Variants in ANKS1B observed in about 807,000 individuals in gnomAD.
ANKS1B encodes ankyrin repeat and sterile alpha motif domain containing 1B.
Under a neutral mutation model 148.3 loss-of-function variants are expected in ANKS1B, and 36 were observed. The observed-to-expected ratio is 0.24, with a 90% CI of 0.19 to 0.32. The LOEUF is 0.32. ANKS1B is among the 10% of genes least tolerant of loss of function. The probability of loss-of-function intolerance (pLI) is 1.00; values close to 1 mark genes in which losing one functional copy is unlikely to be tolerated. For missense variants in ANKS1B, 1,157 were observed against 1,542.6 expected, an observed-to-expected ratio of 0.75 and a Z score of 4.19; for synonymous variants, 542 against 560.8, an observed-to-expected ratio of 0.97 and a Z score of 0.47.
intron 17 of ANKS1B, among the ~76,000 whole-genome samples, chr12:99,041,264 A>C (rs1461015094): frequency 1.3e-5 from 2 of 152,230 alleles, no homozygotes; most frequent in Admixed American, 1.3e-4. Flanking sequence ...ATCAAATTCA[A>C]TGAAAAAATA....
At chr12:99,131,841 C>T (rs1303177918) in intron 15 of ANKS1B, among the ~76,000 whole-genome samples, 1 of 152,214 alleles carries the variant, frequency 6.6e-6, no homozygotes, top group Non-Finnish European at 1.5e-5. Context: ...CAGCCTCCTT[C>T]TGTTCAGCCA....
chr12:99,642,678 G>C (rs189695733), intron 9 of ANKS1B, among the ~76,000 whole-genome samples: 139 of 152,252 alleles, frequency 9.1e-4, no homozygotes, highest in African/African-American at 3.2e-3. Context: ...TTAGCTGGGC[G>C]TGGTGATGCA....
intron 9 of ANKS1B, among the ~76,000 whole-genome samples, chr12:99,620,372 G>C (rs1226340553): frequency 6.6e-6 from 1 of 152,082 alleles, no homozygotes; most frequent in Non-Finnish European, 1.5e-5. Flanking sequence ...CTCCAGCAAT[G>C]GTCCCTAGCC....
At chr12:98,798,720 A>T (rs2098974293) in intron 22 of ANKS1B, among the ~76,000 whole-genome samples, 1 of 152,226 alleles carries the variant, frequency 6.6e-6, no homozygotes, top group Non-Finnish European at 1.5e-5. Context: ...GAACAAATAT[A>T]GTACAAATAT....
chr12:99,496,857 G>A (rs918192956), intron 10 of ANKS1B, among the ~76,000 whole-genome samples: 1 of 152,126 alleles, frequency 6.6e-6, no homozygotes, highest in African/African-American at 2.4e-5. Context: ...AATACACAAT[G>A]TTGCCAGTCA....
chr12:98,985,999 A>T (rs2099923119), intron 17 of ANKS1B, among the ~76,000 whole-genome samples: 1 of 152,176 alleles, frequency 6.6e-6, no homozygotes, highest in South Asian at 2.1e-4. Context: ...TTTGCTGGTT[A>T]TAGAATTCAG....
chr12:99,169,228 C>G (rs2077503153), intron 14 of ANKS1B, among the ~76,000 whole-genome samples: 1 of 152,146 alleles, frequency 6.6e-6, no homozygotes, highest in East Asian at 1.9e-4. Flanking sequence ...GAAATTAAAA[C>G]TTAGAGACAT....
Position 99,773,056 on chromosome 12 carries a change from A to C in ANKS1B, c.994T>G (p.Leu332Val). ...TCTTGACAGAGTTTTATTTCATCCA[A>C]GAGTTTTGATAATTCTCCAGTGACG... ...ETVTGELSKLLDEIKLCQEKD... is the reference protein window; with the variant it reads ...ETVTGELSKLVDEIKLCQEKD... The change falls in exon 8 of 27, where the codon TTG becomes GTG. Residue 332 changes from leucine (L) to valine (V), a missense_variant. Leu to Val is a conservative substitution (Grantham distance 32). This residue lies in a region of ANKS1B where 661 missense variants were observed against 642.1 expected (regional missense o/e 1.03). Coordinates refer to ENST00000683438, the MANE Select transcript of ANKS1B (RefSeq NM_001352186.2). 2 of 1,609,362 alleles carry C rather than the reference A, an allele frequency of 1.2e-6. No homozygotes were observed. The highest frequency in any genetic ancestry group is 1.7e-6 in the Non-Finnish European group (2 of 1,177,520).
chr12:98,766,622 C>T (rs894540270), intron 25 of ANKS1B, among the ~76,000 whole-genome samples: 1 of 152,124 alleles, frequency 6.6e-6, no homozygotes, highest in Non-Finnish European at 1.5e-5. Context: ...AGAGATCACC[C>T]GCCTCCATGA....
rs116321522 is a variant in ANKS1B, at chr12:99,527,404, T to G, written c.1273-22763A>C. ...TACCCTTTAATAAAATAAATAAGTA[T>G]TGTTGCTGTAAACAGGCAATATAGT... is the stretch of plus-strand genomic sequence containing the variant. On this transcript the variant is annotated intron_variant, in intron 9 of 26. Coordinates refer to ENST00000683438, the MANE Select transcript of ANKS1B (RefSeq NM_001352186.2). Among the ~76,000 whole-genome samples, 3 of 152,288 alleles carry G rather than the reference T, an allele frequency of 2.0e-5. No homozygotes were observed. In the South Asian group the frequency reaches 6.2e-4, roughly 32 times the overall value.
intron 14 of ANKS1B, among the ~76,000 whole-genome samples, chr12:99,202,615 C>A (rs1157245300): frequency 6.6e-6 from 1 of 152,226 alleles, no homozygotes; most frequent in African/African-American, 2.4e-5. Flanking sequence ...AAGTAATAAT[C>A]TCTCCAGCCT....
chr12:98,996,123 G>A (rs1004993548), intron 17 of ANKS1B, among the ~76,000 whole-genome samples: 18 of 151,944 alleles, frequency 1.2e-4, no homozygotes, highest in Non-Finnish European at 2.9e-5. Context: ...ATTTTGACTC[G>A]GTGGGGAAAA....
At chr12:99,303,240 A>G (rs1420518880) in intron 12 of ANKS1B, among the ~76,000 whole-genome samples, 1 of 152,150 alleles carries the variant, frequency 6.6e-6, no homozygotes, top group African/African-American at 2.4e-5. Context: ...TACAAATCTA[A>G]ATTTATAAAC....
At chr12:99,652,622 TA>T (rs1402425571) in intron 9 of ANKS1B, among the ~76,000 whole-genome samples, 1 of 150,902 alleles carries the variant, frequency 6.6e-6, no homozygotes, top group African/African-American at 2.4e-5. Context: ...AAAATCCCAA[TA>T]GAGATACTTT....
At chr12:99,387,235 C>T (rs2093899544) in intron 12 of ANKS1B, among the ~76,000 whole-genome samples, 1 of 152,154 alleles carries the variant, frequency 6.6e-6, no homozygotes, top group Non-Finnish European at 1.5e-5. Context: ...TAAATACTAA[C>T]TCCCAAGGTG....
rs148621785 is a variant in ANKS1B, at chr12:99,712,154, T to C, written c.1129-56944A>G. On this transcript the variant is annotated intron_variant, in intron 8 of 26. Coordinates refer to ENST00000683438, the MANE Select transcript of ANKS1B (RefSeq NM_001352186.2). ...GTGGGAGCTGAATGATGAGAATGCATGGACACACAGAGGGGAACAACATAT... is the reference window on the plus strand; with the variant it reads ...GTGGGAGCTGAATGATGAGAATGCACGGACACACAGAGGGGAACAACATAT... 4.8e-3 allele frequency among the ~76,000 whole-genome samples: 728 copies of C among 152,296 alleles called. 4 individuals are homozygous for C. The highest frequency in any genetic ancestry group is 7.9e-3 in the South Asian group (38 of 4,822).
At chr12:99,545,826 G>A (rs2097168261) in intron 9 of ANKS1B, among the ~76,000 whole-genome samples, 1 of 149,834 alleles carries the variant, frequency 6.7e-6, no homozygotes, top group Non-Finnish European at 1.5e-5. Context: ...CTTCTTTGTT[G>A]CTTTTCTTTT....
At chr12:99,321,468 G>C (rs1022245954) in intron 12 of ANKS1B, among the ~76,000 whole-genome samples, 1 of 152,214 alleles carries the variant, frequency 6.6e-6, no homozygotes, top group African/African-American at 2.4e-5. Context: ...TGTGCTAGCA[G>C]TGAGTGAGGC....
intron 22 of ANKS1B, among the ~76,000 whole-genome samples, chr12:98,788,155 A>G (rs955616395): frequency 6.6e-6 from 1 of 152,006 alleles, no homozygotes; most frequent in Admixed American, 6.6e-5. Flanking sequence ...CTGTAATCCC[A>G]GCACTTTGGA....
Sources: allele counts gnomAD v4.1 joint callset (sites outside exome capture counted in the v4.1 genomes callset), GRCh38; gene constraint gnomAD v4.1.1; regional missense constraint gnomAD v4.1.1; transcripts MANE v1.5; gene names NCBI Gene and HGNC (gene_info 2026-07-23, HGNC 2026-07-21).